DNAH5: variants seen among roughly 807,000 people sequenced by gnomAD.
DNAH5 encodes the protein dynein axonemal heavy chain 5, also known as axonemal beta dynein heavy chain 5.
In DNAH5, 372 loss-of-function variants were observed where a neutral mutation model predicts 518.2. The ratio of observed to expected loss-of-function variants is 0.72; its 90% CI spans 0.66 to 0.78. DNAH5 has a LOEUF of 0.78. Among genes scored for constraint, DNAH5 ranks in the 30% least tolerant of loss-of-function variants. The pLI, the probability that DNAH5 is intolerant of heterozygous loss-of-function variation, is 0.00. For missense variants in DNAH5, 5,523 were observed against 5,687.0 expected, an observed-to-expected ratio of 0.97 and a Z score of 0.93; for synonymous variants, 2,039 against 2,025.9, an observed-to-expected ratio of 1.01 and a Z score of -0.17.
At chr5:13,772,553 A>T (rs1580158402) in intron 55 of DNAH5, among the ~76,000 whole-genome samples, 1 of 152,262 alleles carries the variant, frequency 6.6e-6, no homozygotes, top group Non-Finnish European at 1.5e-5. Flanking sequence ...ATATCCCATC[A>T]CCAAGGCAGT....
chr5:13,818,430 C>T (rs990609420), intron 41 of DNAH5, among the ~76,000 whole-genome samples: 2 of 152,250 alleles, frequency 1.3e-5, no homozygotes, highest in Non-Finnish European at 2.9e-5. Context: ...AACCCCGTCT[C>T]TGCTGAAAAT....
intron 21 of DNAH5, among the ~76,000 whole-genome samples, chr5:13,882,160 C>T (rs1771761969): frequency 6.6e-6 from 1 of 151,902 alleles, no homozygotes; most frequent in Non-Finnish European, 1.5e-5. Context: ...AAGATCAAAT[C>T]AGTAATTTAA....
In DNAH5 at chr5:13,780,924, G is replaced by A. The variant is rs751937027; in HGVS notation, c.8856C>T (p.Ala2952=). Reference sequence around the variant, plus strand: ...CTGATCCGCCCACCCCGACCAGGAGGGCATTTCCCTGAGGAGTACGAATGA... The same window carrying A: ...CTGATCCGCCCACCCCGACCAGGAGAGCATTTCCCTGAGGAGTACGAATGA... ...SRVIRTPQGN[A]LLVGVGGSGK... Residue 2952 remains alanine (A), a synonymous_variant, in exon 53 of 79, where the codon GCC becomes GCT. Coordinates refer to ENST00000265104, the MANE Select transcript of DNAH5 (RefSeq NM_001369.3). 1.2e-6 allele frequency: 2 copies of A among 1,613,742 alleles called. No individual in the cohort carries two copies. The highest frequency in any genetic ancestry group is 1.7e-6 in the Non-Finnish European group (2 of 1,179,768).
Position 13,823,318 on chromosome 5 carries a change from T to G in DNAH5, c.6632A>C (p.Asn2211Thr), listed in dbSNP as rs561280268. 4.3e-6 allele frequency: 7 copies of G among 1,614,014 alleles called. No homozygotes were observed. In the South Asian group the frequency reaches 7.7e-5, roughly 18 times the overall value. Residue 2211 changes from asparagine to threonine, a missense_variant, in exon 40 of 79, where the codon AAT becomes ACT. By Grantham distance (65) the Asn-to-Thr change is moderately conservative. Transcript: ENST00000265104. ...FLSLIEDLFP[N>T]ILLDKAGYPE... ...GTAACCTGCCTTGTCCAGAAGAATA[T>G]TTGGAAAGAGATCTTCAATCAAACT...
In DNAH5 at chr5:13,830,643, A is replaced by G. The variant is rs1763541892; in HGVS notation, c.6015T>C (p.Asn2005=). 1 of 1,614,092 alleles carries G rather than the reference A, an allele frequency of 6.2e-7. No individual in the cohort carries two copies. Among genetic ancestry groups the G allele is most frequent in the African/African-American group, 1.3e-5 (1 of 74,922 alleles). The change falls in exon 36 of 79, where the codon AAT becomes AAC. Residue 2005 remains asparagine, a synonymous_variant. Coordinates refer to ENST00000265104, the MANE Select transcript of DNAH5 (RefSeq NM_001369.3). The stretch of plus-strand genomic sequence containing the variant: ...CTCGGAAATCCATCTGGTCTGAACA[A>G]TTGAAAACCACGACGTATTTCCCGA... ...RCLGKYVVVF[N]CSDQMDFRGL...
At chr5:13,812,262 G>C (rs966983895) in intron 43 of DNAH5, among the ~76,000 whole-genome samples, 2 of 152,094 alleles carry the variant, frequency 1.3e-5, no homozygotes, top group South Asian at 4.1e-4. Flanking sequence ...ACTCAGGGGG[G>C]AAAAGTAAAG....
At chr5:13,992,495 T>C (rs1783627400) in intron 1 of DNAH5, among the ~76,000 whole-genome samples, 1 of 152,244 alleles carries the variant, frequency 6.6e-6, no homozygotes, top group Admixed American at 6.5e-5. Flanking sequence ...TTTAACCTGA[T>C]TTCTTTGCAC....
intron 35 of DNAH5, among the ~76,000 whole-genome samples, chr5:13,836,670 C>T (rs1306159857): frequency 2.0e-5 from 3 of 152,134 alleles, no homozygotes; most frequent in African/African-American, 7.2e-5. Flanking sequence ...AATAATGGTC[C>T]CCCCAAAATA....
At chr5:13,825,545 C>T (rs1382845688) in intron 38 of DNAH5, among the ~76,000 whole-genome samples, 3 of 152,110 alleles carry the variant, frequency 2.0e-5, no homozygotes, top group East Asian at 3.8e-4. Flanking sequence ...AAAGGACATC[C>T]TGTCACATGC....
Position 13,885,217 on chromosome 5 carries a change from C to T in DNAH5, c.2755G>A (p.Glu919Lys), listed in dbSNP as rs866229483. 6.2e-7 allele frequency: 1 copy of T among 1,614,096 alleles called. No homozygotes were observed. Among genetic ancestry groups the T allele is most frequent in the Non-Finnish European group, 8.5e-7 (1 of 1,179,986 alleles). Reference sequence around the variant, plus strand: ...GATGTCAAGGTGTCAAAATTTCCTTCTTCTCTTTTTGCTGTTACAAGATGA... The same window carrying T: ...GATGTCAAGGTGTCAAAATTTCCTTTTTCTCTTTTTGCTGTTACAAGATGA... ...YKNESSAKRE[E>K]GNFDTLTSSI... The change falls in exon 19 of 79, where the codon GAA becomes AAA. Residue 919 changes from glutamate (E) to lysine (K), a missense_variant. By Grantham distance (56) the Glu-to-Lys change is moderately conservative. This residue lies in a region of DNAH5 where 5,121 missense variants were observed against 5,223.3 expected (regional missense o/e 0.98). Transcript: ENST00000265104.
chr5:13,862,605 T>G lies in DNAH5; in HGVS notation c.4739A>C (p.Glu1580Ala). 1 of 1,614,042 alleles carries G rather than the reference T, an allele frequency of 6.2e-7. No individual in the cohort carries two copies. The highest frequency in any genetic ancestry group is 1.3e-5 in the African/African-American group (1 of 75,034). Residue 1580 changes from glutamate to alanine, a missense_variant, in exon 29 of 79, where the codon GAA becomes GCA. Coordinates refer to ENST00000265104, the MANE Select transcript of DNAH5 (RefSeq NM_001369.3). ...ELLLRGDSTS[E>A]IIANMEDSLM... The stretch of plus-strand genomic sequence containing the variant: ...GCTGTCCTCCATGTTGGCGATGATT[T>G]CCGAGGTACTGTCTCCTCTCAAGAG...
At chr5:13,788,556 C>T (rs1261872117) in intron 51 of DNAH5, among the ~76,000 whole-genome samples, 160 bp downstream of exon 51, 2 of 152,204 alleles carry the variant, frequency 1.3e-5, no homozygotes, top group East Asian at 3.8e-4. Flanking sequence ...TGCATTAATT[C>T]ACTCATCCTA....
chr5:13,937,600 A>G (rs952296375), intron 1 of DNAH5, among the ~76,000 whole-genome samples: 8 of 151,838 alleles, frequency 5.3e-5, no homozygotes, highest in Non-Finnish European at 7.4e-5. Context: ...TACTGCATAT[A>G]CCAGGTCCTC....
At chr5:13,813,460 A>AT (rs1027875608) in intron 43 of DNAH5, among the ~76,000 whole-genome samples, 2 of 151,228 alleles carry the variant, frequency 1.3e-5, no homozygotes, top group African/African-American at 4.8e-5. Context: ...CTTAAAAGAA[A>AT]AAAAAAAAAA....
At chr5:13,805,049 C>G (rs1297703457) in intron 47 of DNAH5, among the ~76,000 whole-genome samples, 1 of 152,044 alleles carries the variant, frequency 6.6e-6, no homozygotes, top group Non-Finnish European at 1.5e-5. Context: ...GTCTTTAAAC[C>G]CTGGAAATTT....
chr5:13,777,119 C>G (rs1754209199), intron 54 of DNAH5, 83 bp downstream of exon 54: 2 of 1,346,804 alleles, frequency 1.5e-6, no homozygotes, highest in African/African-American at 1.4e-5. Flanking sequence ...TTATTCACAC[C>G]ACTAATGGAA....
intron 1 of DNAH5, among the ~76,000 whole-genome samples, chr5:13,934,514 G>C: frequency 6.6e-6 from 1 of 152,164 alleles, no homozygotes. Context: ...AGAAAAGGAT[G>C]ATTGGGAAAA....
chr5:13,713,454 TATATATATATATACAC>T (rs1357890162), intron 75 of DNAH5, among the ~76,000 whole-genome samples: 1 of 131,368 alleles, frequency 7.6e-6, no homozygotes, highest in African/African-American at 3.1e-5. Context: ...TATATATATA[TATATATATATATACAC>T]ACACCGATAT....
chr5:13,820,292 G>T, intron 41 of DNAH5, 54 bp downstream of exon 41: 1 of 1,590,866 alleles, frequency 6.3e-7, no homozygotes, highest in South Asian at 1.1e-5. Context: ...CATTCAAATG[G>T]GTCACCACTA....
Sources: gnomAD v4.1 joint callset for allele counts (sites outside exome capture counted in the v4.1 genomes callset) on GRCh38, gnomAD v4.1.1 for gene constraint, gnomAD v4.1.1 regional missense constraint, MANE v1.5 for transcripts, NCBI Gene and HGNC (gene_info 2026-07-23, HGNC 2026-07-21) for gene names.